The following TOX3 variants were observed in gnomAD, a reference collection of about 807,000 sequenced individuals.
TOX3 encodes TOX high mobility group box family member 3.
Under a neutral mutation model 64.3 loss-of-function variants are expected in TOX3, and 22 were observed. That is an observed-to-expected ratio of 0.34 (90% confidence interval 0.24 to 0.49). TOX3 has a LOEUF of 0.49. TOX3 is among the 20% of genes least tolerant of loss of function. The pLI is 0.99. For synonymous variants in TOX3, 291 were observed against 273.6 expected, an observed-to-expected ratio of 1.06 and a Z score of -0.63; for missense variants, 661 against 714.4, an observed-to-expected ratio of 0.93 and a Z score of 0.85.
chr16:52,448,569 G>T (rs564288892), intron 4 of TOX3, among the ~76,000 whole-genome samples: 3 of 152,154 alleles, frequency 2.0e-5, no homozygotes, highest in Admixed American at 6.5e-5. Context: ...CCCAATGGGG[G>T]TGCTAACATG....
intron 4 of TOX3, among the ~76,000 whole-genome samples, chr16:52,446,814 A>T (rs762266937): frequency 2.6e-5 from 4 of 152,222 alleles, no homozygotes; most frequent in Non-Finnish European, 2.9e-5. Context: ...ATTTTCTAAA[A>T]ATAATTTTCT....
At chr16:52,490,284 G>C (rs1961644007) in intron 1 of TOX3, among the ~76,000 whole-genome samples, 1 of 152,084 alleles carries the variant, frequency 6.6e-6, no homozygotes, top group Admixed American at 6.6e-5. Context: ...TGCCATGATT[G>C]TAAGTTTCCT....
intron 2 of TOX3, among the ~76,000 whole-genome samples, chr16:52,467,652 G>T (rs1271919969): frequency 6.6e-6 from 1 of 152,052 alleles, no homozygotes; most frequent in South Asian, 2.1e-4. Flanking sequence ...ACTTCTGTTT[G>T]TTCTTGTTCT....
Position 52,437,454 on chromosome 16 carries a change from G to A in TOX3, c.*1771C>T, listed in dbSNP as rs1288479491. On this transcript the variant is annotated 3_prime_UTR_variant, in exon 7 of 7. Coordinates refer to ENST00000219746, the MANE Select transcript of TOX3 (RefSeq NM_001080430.4). The stretch of plus-strand genomic sequence containing the variant: ...ATTCTGGTCAGGGTTGACACTTGCT[G>A]TTTTTAATTTTCATTTTATCATAAG... 2 of 152,176 alleles carry A rather than the reference G, an allele frequency of 1.3e-5. No homozygotes were observed. Among genetic ancestry groups the A allele is most frequent in the African/African-American group, 4.8e-5 (2 of 41,438 alleles). The allele number at this position is 152,176 out of a possible 1,614,324, so 9.4% of individuals were successfully genotyped here.
intron 3 of TOX3, among the ~76,000 whole-genome samples, chr16:52,451,722 A>G (rs1960355932): frequency 6.6e-6 from 1 of 152,214 alleles, no homozygotes; most frequent in Non-Finnish European, 1.5e-5. Flanking sequence ...CATATTAAAT[A>G]TATAAATGCC....
intron 1 of TOX3, among the ~76,000 whole-genome samples, chr16:52,507,139 A>C (rs910068758): frequency 1.3e-5 from 2 of 152,232 alleles, no homozygotes; most frequent in Non-Finnish European, 2.9e-5. Context: ...TTACAGAATG[A>C]ACTGGATCGT....
At chr16:52,501,915 T>C (rs1962015716) in intron 1 of TOX3, among the ~76,000 whole-genome samples, 1 of 152,096 alleles carries the variant, frequency 6.6e-6, no homozygotes, top group Admixed American at 6.5e-5. Context: ...TTCTCACCAT[T>C]CCCAATTACC....
chr16:52,456,685 G>A (rs1213251600), intron 3 of TOX3, among the ~76,000 whole-genome samples: 1 of 152,076 alleles, frequency 6.6e-6, no homozygotes, highest in Non-Finnish European at 1.5e-5. Flanking sequence ...TTGAGTGAAC[G>A]GTTAAAATCT....
intron 1 of TOX3, among the ~76,000 whole-genome samples, chr16:52,494,943 A>G (rs994798583): frequency 1.3e-5 from 2 of 152,206 alleles, no homozygotes; most frequent in Non-Finnish European, 2.9e-5. Context: ...TCTCAGTACC[A>G]TACAGGTAGG....
In TOX3 at chr16:52,439,055, T is replaced by C; in HGVS notation, c.*170A>G. 1.1e-6 allele frequency: 1 copy of C among 926,476 alleles called. No individual in the cohort carries two copies. Among genetic ancestry groups the C allele is most frequent in the African/African-American group, 1.6e-5 (1 of 61,584 alleles). The allele number at this position is 926,476 out of a possible 1,614,324, so 57.4% of individuals were successfully genotyped here. ...TTTATAGTCAGCTAAAAGATGTTAC[T>C]CAGCTACACTGCAGTTCTTATTGCC... On this transcript the variant is annotated 3_prime_UTR_variant, in exon 7 of 7. Transcript: ENST00000219746.
intron 1 of TOX3, among the ~76,000 whole-genome samples, chr16:52,519,046 A>T (rs1192224439): frequency 1.3e-5 from 2 of 152,236 alleles, no homozygotes; most frequent in African/African-American, 4.8e-5. Flanking sequence ...ATCCTTCCTC[A>T]TAGTAAGGAC....
rs563175645 is a variant in TOX3, at chr16:52,524,708, T to G, written c.87+21929A>C. Among the ~76,000 whole-genome samples, 9 of 152,284 alleles carry G rather than the reference T, an allele frequency of 5.9e-5. No homozygotes were observed. In the East Asian group the frequency reaches 1.2e-3, roughly 20 times the overall value. ...CACCATCCAAAAAGAAATCGCAGCATGGCCCTTGAAGCACATTGAGCTTAA... is the reference window on the plus strand; with the variant it reads ...CACCATCCAAAAAGAAATCGCAGCAGGGCCCTTGAAGCACATTGAGCTTAA... On this transcript the variant is annotated intron_variant, in intron 1 of 6. Transcript: ENST00000219746.
intron 1 of TOX3, among the ~76,000 whole-genome samples, chr16:52,528,551 C>G (rs183208773): frequency 6.6e-6 from 1 of 151,854 alleles, no homozygotes; most frequent in East Asian, 1.9e-4. Context: ...GGGCAGACTG[C>G]CTGGTTCCCT....
At chr16:52,517,984 A>C (rs1380564459) in intron 1 of TOX3, among the ~76,000 whole-genome samples, 1 of 152,168 alleles carries the variant, frequency 6.6e-6, no homozygotes, top group Non-Finnish European at 1.5e-5. Context: ...GCCTCTACAG[A>C]TGGAGTATAC....
At chr16:52,458,470 A>C (rs1295657295) in intron 3 of TOX3, among the ~76,000 whole-genome samples, 1 of 152,228 alleles carries the variant, frequency 6.6e-6, no homozygotes, top group African/African-American at 2.4e-5. Context: ...AAGTGCTGTA[A>C]AAGGGTGTCT....
intron 1 of TOX3, among the ~76,000 whole-genome samples, chr16:52,487,471 G>A (rs1435562693): frequency 6.6e-6 from 1 of 152,156 alleles, no homozygotes; most frequent in Non-Finnish European, 1.5e-5. Context: ...CTCTAAAGGA[G>A]GGTCAGTTCA....
At chr16:52,463,538 G>C (rs139657388) in intron 3 of TOX3, among the ~76,000 whole-genome samples, 2 of 152,250 alleles carry the variant, frequency 1.3e-5, no homozygotes, top group East Asian at 3.9e-4. Context: ...TGTATCGTAA[G>C]CATTATAATA....
intron 1 of TOX3, among the ~76,000 whole-genome samples, chr16:52,484,206 G>A (rs1961447080): frequency 6.6e-6 from 1 of 152,134 alleles, no homozygotes; most frequent in Admixed American, 6.5e-5. Context: ...CTTTCCAAGA[G>A]TTTTCATTCA....
chr16:52,450,624 T>G, intron 3 of TOX3, 78 bp from the exon 4 acceptor site: 1 of 1,568,574 alleles, frequency 6.4e-7, no homozygotes, highest in Non-Finnish European at 8.7e-7. Context: ...AGCATCTCCT[T>G]AGATAGGTTT....
Sources: allele counts gnomAD v4.1 joint callset (sites outside exome capture counted in the v4.1 genomes callset), GRCh38; gene constraint gnomAD v4.1.1; transcripts MANE v1.5; gene names NCBI Gene and HGNC (gene_info 2026-07-23, HGNC 2026-07-21).